STUM: variants seen among roughly 807,000 people sequenced by gnomAD.
STUM encodes the protein stum, mechanosensory transduction mediator homolog, also known as protein stum homolog.
A neutral mutation model predicts 15.3 loss-of-function variants in STUM; 8 were observed. The ratio of observed to expected loss-of-function variants is 0.52; its 90% CI spans 0.31 to 0.94. The LOEUF (loss-of-function observed/expected upper bound fraction) is 0.94. Among genes scored for constraint, STUM ranks in the 40% least tolerant of loss-of-function variants. STUM has a pLI of 0.05. For missense variants in STUM, 142 were observed against 204.9 expected (o/e 0.69, Z 1.87); for synonymous variants, 78 against 88.7 (o/e 0.88, Z 0.68).
At chr1:226,579,920 T>TGCCCC (rs990765827) in intron 1 of STUM, among the ~76,000 whole-genome samples, 10 of 152,160 alleles carry the variant, frequency 6.6e-5, no homozygotes, top group Non-Finnish European at 1.5e-4. Flanking sequence ...CACCCTGCCC[T>TGCCCC]GCCCCTTTGT....
chr1:226,548,932 A>ACGGCGG lies in STUM; in HGVS notation c.44_49dup (p.Ala15_Ala16dup), dbSNP rs759835997. On this transcript the variant is annotated inframe_insertion, in exon 1 of 4. Coordinates refer to ENST00000366788, the MANE Select transcript of STUM (RefSeq NM_001003665.4). Reference sequence around the variant, plus strand: ...GGAGCCCTCGCACAAAGACGCCGAGACGGCGGCGGCGGCGGCGGCGGTGGC... The same window carrying ACGGCGG: ...GGAGCCCTCGCACAAAGACGCCGAGACGGCGGCGGCGGCGGCGGCGGCGGCGGTGGC... 47 of 1,443,356 alleles carry ACGGCGG rather than the reference A, an allele frequency of 3.3e-5. No individual in the cohort carries two copies. The highest frequency in any genetic ancestry group is 2.3e-4 in the African/African-American group (15 of 66,592). 89.4% of individuals were successfully genotyped at this position (1,443,356 alleles called of 1,614,324 possible).
At chr1:226,586,334 G>A (rs541972353) in intron 1 of STUM, among the ~76,000 whole-genome samples, 42 of 152,264 alleles carry the variant, frequency 2.8e-4, no homozygotes, top group Admixed American at 5.9e-4. Context: ...CTGGGCTGCC[G>A]AACGCTTGGG....
In STUM at chr1:226,548,977, G is replaced by A. The variant is rs1210153846; in HGVS notation, c.73G>A (p.Ala25Thr). The A allele has an allele frequency of 6.6e-7, 1 of 1,518,052 alleles. No homozygotes were observed. The highest frequency in any genetic ancestry group is 1.4e-5 in the African/African-American group (1 of 69,696). 94.0% of individuals were successfully genotyped at this position (1,518,052 alleles called of 1,614,324 possible). Residue 25 changes from alanine to threonine, a missense_variant, in exon 1 of 4, where the codon GCG becomes ACG. Around this residue, in one of 2 missense-constraint regions of STUM, gnomAD observed 113 missense variants for 134.4 expected, o/e 0.84. Coordinates refer to ENST00000366788, the MANE Select transcript of STUM (RefSeq NM_001003665.4). ...AAVAAADPRG[A>T]SSSSGVVVQV... ...GGTGGCGGCGGCGGACCCCCGGGGG[G>A]CGTCCTCGTCCAGCGGGGTGGTGGT...
In STUM at chr1:226,605,909, C is replaced by T. The variant is rs1668349301; in HGVS notation, c.*3869C>T. ...CTAATGTGCAGGACCAAGTTGCCCG[C>T]TCTGCCAGCCAGGGGCTCCAGCCAT... is the stretch of plus-strand genomic sequence containing the variant. On this transcript the variant is annotated 3_prime_UTR_variant, in exon 4 of 4. Transcript: ENST00000366788. This position sits in a 1 kb window ranked among gnomAD's most constrained non-coding sequence, Gnocchi z 4.0. 1.3e-5 allele frequency: 2 copies of T among 152,384 alleles called. No homozygotes were observed. The highest frequency in any genetic ancestry group is 6.5e-5 in the Admixed American group (1 of 15,310). 9.4% of individuals were successfully genotyped at this position (152,384 alleles called of 1,614,324 possible).
At chr1:226,550,640 C>G (rs1667360707) in intron 1 of STUM, among the ~76,000 whole-genome samples, 1 of 150,132 alleles carries the variant, frequency 6.7e-6, no homozygotes, top group South Asian at 2.1e-4. Context: ...ACCCTATGGT[C>G]TTTTGAGGAA....
chr1:226,571,584 C>T (rs1667712379), intron 1 of STUM, among the ~76,000 whole-genome samples: 1 of 151,710 alleles, frequency 6.6e-6, no homozygotes, highest in Admixed American at 6.6e-5. Flanking sequence ...CATGGATGCC[C>T]CAGGGGGTTT....
At position 226,589,079 on chromosome 1, in the gene STUM, G is replaced by A. The variant is rs563326140; in HGVS notation, c.203-7723G>A. Among the ~76,000 whole-genome samples the A allele has an allele frequency of 1.1e-4, 16 of 152,296 alleles. No homozygotes were observed. The South Asian group carries it at 2.7e-3, about 26-fold the overall frequency. On this transcript the variant is annotated intron_variant, in intron 1 of 3. Transcript: ENST00000366788. ...CAACTTGCTGGCCTAGGTCCTGGGG[G>A]CAGTTTTTACTCTGAAGCAGCTGCT...
At chr1:226,582,146 C>T (rs965252622) in intron 1 of STUM, among the ~76,000 whole-genome samples, 16 of 152,186 alleles carry the variant, frequency 1.1e-4, no homozygotes, top group African/African-American at 2.2e-4. Context: ...CGGAGGCAGA[C>T]GCTGCTGCTG....
intron 1 of STUM, among the ~76,000 whole-genome samples, chr1:226,576,429 GGA>G (rs747887018): frequency 6.6e-6 from 1 of 152,206 alleles, no homozygotes; most frequent in Non-Finnish European, 1.5e-5. Flanking sequence ...ATTCATTCGT[GGA>G]GAGATTACAT....
intron 1 of STUM, among the ~76,000 whole-genome samples, chr1:226,564,733 T>C (rs891332889): frequency 3.9e-5 from 6 of 152,202 alleles, no homozygotes; most frequent in African/African-American, 1.4e-4. Context: ...TGGGTGATAA[T>C]GAGCTGGGAA....
chr1:226,595,700 G>A (rs186670328), intron 1 of STUM, among the ~76,000 whole-genome samples: 8 of 152,322 alleles, frequency 5.3e-5, no homozygotes, highest in Non-Finnish European at 1.0e-4. Context: ...GGGAGGCAGC[G>A]AGAAGATATA....
At chr1:226,551,945 C>T (rs912837251) in intron 1 of STUM, among the ~76,000 whole-genome samples, 2 of 152,172 alleles carry the variant, frequency 1.3e-5, no homozygotes, top group African/African-American at 2.4e-5. Context: ...TCACTAAACT[C>T]CCATTCTGGA....
intron 1 of STUM, among the ~76,000 whole-genome samples, chr1:226,586,728 G>T (rs1668004485): frequency 6.6e-6 from 1 of 152,128 alleles, no homozygotes; most frequent in African/African-American, 2.4e-5. Context: ...CATCTTGTGA[G>T]GTTGCAAATT....
At chr1:226,590,585 T>C (rs900042141) in intron 1 of STUM, among the ~76,000 whole-genome samples, 2 of 152,200 alleles carry the variant, frequency 1.3e-5, no homozygotes, top group South Asian at 4.1e-4. Context: ...GGTGACCTCA[T>C]TCACTTCCAA....
chr1:226,595,794 G>A (rs1025620924), intron 1 of STUM, among the ~76,000 whole-genome samples: 40 of 152,224 alleles, frequency 2.6e-4, no homozygotes, highest in Admixed American at 4.6e-4. Flanking sequence ...AGGAATGTAG[G>A]TGGCCTCTAG....
intron 1 of STUM, among the ~76,000 whole-genome samples, chr1:226,575,440 C>G (rs996714429): frequency 6.6e-6 from 1 of 152,218 alleles, no homozygotes; most frequent in African/African-American, 2.4e-5. Flanking sequence ...CAATCCCTGC[C>G]GGCAGGCACC....
chr1:226,583,329 C>T (rs888432534), intron 1 of STUM, among the ~76,000 whole-genome samples: 1 of 152,154 alleles, frequency 6.6e-6, no homozygotes, highest in African/African-American at 2.4e-5. Flanking sequence ...TCATTCTAGG[C>T]CTGTTCTTGT....
At position 226,591,855 on chromosome 1, in the gene STUM, G is replaced by A. The variant is rs1454710455; in HGVS notation, c.203-4947G>A. On this transcript the variant is annotated intron_variant, in intron 1 of 3. Transcript: ENST00000366788. ...TGTTCCCATTTCCTAGGCTGAAAGA[G>A]TGAGGTGAGGCCACAGCCACAAAGA... Among the ~76,000 whole-genome samples, 4 of 152,190 alleles carry A rather than the reference G, an allele frequency of 2.6e-5. No individual in the cohort carries two copies. In the East Asian group the frequency reaches 7.7e-4, roughly 29 times the overall value.
chr1:226,585,824 G>A (rs1667987506), intron 1 of STUM, among the ~76,000 whole-genome samples: 1 of 152,204 alleles, frequency 6.6e-6, no homozygotes, highest in African/African-American at 2.4e-5. Flanking sequence ...GAGGGGACAT[G>A]TCTTAGTTCA....
Sources: allele counts gnomAD v4.1 joint callset (sites outside exome capture counted in the v4.1 genomes callset), GRCh38; gene constraint gnomAD v4.1.1; regional missense constraint gnomAD v4.1.1; non-coding constraint Gnocchi (gnomAD v3.1); transcripts MANE v1.5; gene names NCBI Gene and HGNC (gene_info 2026-07-23, HGNC 2026-07-21).